PXDNL: variants seen among roughly 807,000 people sequenced by gnomAD.
PXDNL encodes peroxidasin like.
A neutral mutation model predicts 150.8 loss-of-function variants in PXDNL; 145 were observed. That is an observed-to-expected ratio of 0.96 (90% confidence interval 0.84 to 1.10). The LOEUF (loss-of-function observed/expected upper bound fraction) is 1.10. Ranked by LOEUF, PXDNL falls within the 50% of genes least tolerant of loss-of-function variation. The probability of loss-of-function intolerance (pLI) is 0.00; values close to 1 mark genes in which losing one functional copy is unlikely to be tolerated. For synonymous variants in PXDNL, 757 were observed against 725.7 expected (o/e 1.04, Z -0.69); for missense variants, 2,087 against 1,873.9 (o/e 1.11, Z -2.10).
chr8:51,474,844 A>T, intron 7 of PXDNL, 128 bp downstream of exon 7: 1 of 742,048 alleles, frequency 1.3e-6, no homozygotes, highest in Non-Finnish European at 2.0e-6. Context: ...CCATACTTTT[A>T]CCACATTCCT....
At chr8:51,602,808 A>G (rs1813752395) in intron 2 of PXDNL, among the ~76,000 whole-genome samples, 1 of 151,536 alleles carries the variant, frequency 6.6e-6, no homozygotes, top group African/African-American at 2.4e-5. Context: ...TGTAATTTCT[A>G]CTTTTAGCTT....
chr8:51,406,714 C>T (rs1808444939), intron 17 of PXDNL, among the ~76,000 whole-genome samples: 1 of 152,184 alleles, frequency 6.6e-6, no homozygotes, highest in South Asian at 2.1e-4. Context: ...CATTTCTCAG[C>T]TCTGTGTGCT....
chr8:51,555,565 C>G (rs1439692077), intron 4 of PXDNL, among the ~76,000 whole-genome samples: 1 of 152,168 alleles, frequency 6.6e-6, no homozygotes, highest in East Asian at 1.9e-4. Context: ...TAGATTTCTT[C>G]TAACCATATT....
At chr8:51,475,244 G>A in intron 6 of PXDNL, 103 bp from the exon 7 acceptor site, 2 of 1,190,198 alleles carry the variant, frequency 1.7e-6, no homozygotes, top group East Asian at 2.5e-5. Context: ...TACCTTGTCT[G>A]TTACATTTTT....
chr8:51,359,184 C>T (rs1186224583), intron 19 of PXDNL, among the ~76,000 whole-genome samples: 8 of 152,042 alleles, frequency 5.3e-5, no homozygotes, highest in Admixed American at 3.9e-4. Context: ...GAAAGGGTCC[C>T]GAATAGTTAT....
intron 11 of PXDNL, among the ~76,000 whole-genome samples, chr8:51,447,890 A>T (rs1204927271): frequency 1.3e-5 from 2 of 152,062 alleles, no homozygotes; most frequent in African/African-American, 4.8e-5. Context: ...AAACCCCACA[A>T]CCACCCTATG....
At chr8:51,620,712 T>TC (rs1314977672) in intron 2 of PXDNL, among the ~76,000 whole-genome samples, 2 of 150,864 alleles carry the variant, frequency 1.3e-5, no homozygotes, top group Admixed American at 1.3e-4. Flanking sequence ...CCCGGCTAAT[T>TC]TTTTTTTGTA....
At chr8:51,526,728 GATGCTGTTGCTAATA>G (rs1811778362) in intron 4 of PXDNL, among the ~76,000 whole-genome samples, 1 of 152,188 alleles carries the variant, frequency 6.6e-6, no homozygotes, top group Admixed American at 6.5e-5. Context: ...GGAATTTAAA[GATGCTGTTGCTAATA>G]ATGACCAGGT....
chr8:51,359,696 G>A (rs934553053), intron 19 of PXDNL, among the ~76,000 whole-genome samples: 1 of 152,106 alleles, frequency 6.6e-6, no homozygotes, highest in African/African-American at 2.4e-5. Context: ...GGATTGATAA[G>A]GAAAGTTACA....
At position 51,548,094 on chromosome 8, in the gene PXDNL, C is replaced by CAA. The variant is rs35793477; in HGVS notation, c.380+8744_380+8745dup. On this transcript the variant is annotated intron_variant, in intron 4 of 22. Coordinates refer to ENST00000356297, the MANE Select transcript of PXDNL (RefSeq NM_144651.5). Reference sequence around the variant, plus strand: ...AAGTAGAAGAAACAACTTCAGAATTCAAAAAAAAAAAAAAAGAAGGCTTTT... The same window carrying CAA: ...AAGTAGAAGAAACAACTTCAGAATTCAAAAAAAAAAAAAAAAAGAAGGCTTTT... Among the ~76,000 whole-genome samples, 500 of 101,164 alleles carry CAA rather than the reference C, an allele frequency of 4.9e-3. 5 individuals are homozygous for CAA. Among genetic ancestry groups the CAA allele is most frequent in the African/African-American group, 0.014 (436 of 30,202 alleles). The allele number at this position is 101,164 out of a possible 152,430, so 66.4% of individuals were successfully genotyped here. A position where few individuals can be genotyped will look rare whatever the true frequency, so the allele number is the denominator to read the frequency against.
intron 13 of PXDNL, among the ~76,000 whole-genome samples, 165 bp from the exon 14 acceptor site, chr8:51,423,896 A>G (rs1427273793): frequency 1.3e-5 from 2 of 152,200 alleles, no homozygotes; most frequent in Non-Finnish European, 2.9e-5. Flanking sequence ...GAAGGAAGAG[A>G]GGAAAAGAGG....
chr8:51,635,042 C>A (rs910766075), intron 2 of PXDNL, among the ~76,000 whole-genome samples: 1 of 152,012 alleles, frequency 6.6e-6, no homozygotes, highest in African/African-American at 2.4e-5. Flanking sequence ...GAGTAGGTAT[C>A]CTGTCTTCTT....
At chr8:51,534,753 T>G (rs1338438037) in intron 4 of PXDNL, among the ~76,000 whole-genome samples, 2 of 76,846 alleles carry the variant, frequency 2.6e-5, no homozygotes, top group African/African-American at 5.8e-5. Flanking sequence ...GGTGGGGGGG[T>G]CAGCCCCCCG....
intron 1 of PXDNL, among the ~76,000 whole-genome samples, chr8:51,799,045 T>C (rs1464526152): frequency 2.0e-5 from 3 of 152,208 alleles, no homozygotes; most frequent in African/African-American, 7.2e-5. Context: ...CACCATGGAA[T>C]ACTATGCAGC....
intron 19 of PXDNL, among the ~76,000 whole-genome samples, chr8:51,360,066 G>A (rs1806669564): frequency 6.7e-6 from 1 of 148,290 alleles, no homozygotes; most frequent in African/African-American, 2.5e-5. Flanking sequence ...AAAGCAATGA[G>A]TAGTAAAGGC....
At chr8:51,794,912 T>C (rs1394321945) in intron 1 of PXDNL, among the ~76,000 whole-genome samples, 1 of 152,148 alleles carries the variant, frequency 6.6e-6, no homozygotes, top group Non-Finnish European at 1.5e-5. Context: ...TTCAAGAGAC[T>C]CATCTCGTGC....
chr8:51,538,720 C>T (rs868359516), intron 4 of PXDNL, among the ~76,000 whole-genome samples: 3 of 152,046 alleles, frequency 2.0e-5, no homozygotes, highest in East Asian at 3.8e-4. Flanking sequence ...GAGCCGAGAT[C>T]GTGCCAGTAC....
intron 17 of PXDNL, among the ~76,000 whole-genome samples, chr8:51,392,388 A>G (rs906435993): frequency 1.3e-5 from 2 of 152,060 alleles, no homozygotes; most frequent in African/African-American, 4.8e-5. Flanking sequence ...ATGTTCTTCC[A>G]TTTCTTTGTA....
intron 3 of PXDNL, among the ~76,000 whole-genome samples, chr8:51,581,021 T>C (rs10958280): frequency 0.15 from 23,222 of 152,116 alleles, 1,990 homozygotes; most frequent in East Asian, 0.28. Flanking sequence ...GACCTTACCC[T>C]AGTGAGTAGG....
Sources: gnomAD v4.1 joint callset for allele counts (sites outside exome capture counted in the v4.1 genomes callset) on GRCh38, gnomAD v4.1.1 for gene constraint, MANE v1.5 for transcripts, NCBI Gene and HGNC (gene_info 2026-07-23, HGNC 2026-07-21) for gene names.